HDAC9: variants seen among roughly 807,000 people sequenced by gnomAD.
HDAC9 encodes the protein MEF-2 interacting transcription repressor (MITR) protein.
A neutral mutation model predicts 139.4 loss-of-function variants in HDAC9; 41 were observed. The observed-to-expected ratio is 0.29, with a 90% CI of 0.23 to 0.38. The LOEUF is 0.38. Among genes scored for constraint, HDAC9 ranks in the 10% least tolerant of loss-of-function variants. The pLI, the probability that HDAC9 is intolerant of heterozygous loss-of-function variation, is 1.00. For synonymous variants in HDAC9, 517 were observed against 476.2 expected (o/e 1.09, Z -1.12); for missense variants, 1,147 against 1,297.0 (o/e 0.88, Z 1.78).
chr7:18,993,318 T>G (rs1044998790), intron 25 of HDAC9, among the ~76,000 whole-genome samples: 1 of 152,192 alleles, frequency 6.6e-6, no homozygotes, highest in African/African-American at 2.4e-5. Context: ...CTCATAACCG[T>G]GAGGGCAAGT....
chr7:18,945,311 A>G (rs373508684), intron 23 of HDAC9, among the ~76,000 whole-genome samples: 67 of 152,338 alleles, frequency 4.4e-4, no homozygotes, highest in African/African-American at 1.5e-3. Context: ...TTTATTGATC[A>G]TTTGTACATA....
chr7:18,910,444 T>C (rs1011347238), intron 22 of HDAC9, among the ~76,000 whole-genome samples: 1 of 151,982 alleles, frequency 6.6e-6, no homozygotes, highest in Non-Finnish European at 1.5e-5. Context: ...AAGGAATTCT[T>C]TGATGGATTC....
At chr7:18,983,130 C>G (rs755358964) in intron 25 of HDAC9, among the ~76,000 whole-genome samples, 52 of 152,210 alleles carry the variant, frequency 3.4e-4, no homozygotes, top group Non-Finnish European at 4.4e-4. Context: ...CAGCCCCTAT[C>G]AACCATCATT....
At chr7:18,808,014 G>T (rs1272408144) in intron 17 of HDAC9, 1 of 152,156 alleles carries the variant, frequency 6.6e-6, no homozygotes, top group Non-Finnish European at 1.5e-5. Flanking sequence ...TATTCTGTAA[G>T]ATCAGTAACA....
chr7:18,814,949 TA>T (rs1185158366), intron 17 of HDAC9, among the ~76,000 whole-genome samples: 1 of 152,192 alleles, frequency 6.6e-6, no homozygotes, highest in African/African-American at 2.4e-5. Flanking sequence ...TGAAAATGTT[TA>T]TAGGTAACGA....
chr7:18,583,098 G>T (rs866279916), intron 2 of HDAC9, among the ~76,000 whole-genome samples: 1 of 152,052 alleles, frequency 6.6e-6, no homozygotes, highest in Non-Finnish European at 1.5e-5. Context: ...AGTAGAAATT[G>T]TGTGCCATTT....
At position 18,740,592 on chromosome 7, in the gene HDAC9, G is replaced by A. The variant is rs563044939; in HGVS notation, c.1910-8413G>A. Among the ~76,000 whole-genome samples the A allele has an allele frequency of 1.2e-4, 18 of 152,200 alleles. 1 individual carries two copies. In the South Asian group the frequency reaches 2.9e-3, roughly 25 times the overall value. ...TATTCCCAGAGACACTGGGAATTTA[G>A]ACCAATTTATAAACCCACAGTCCAA... is the stretch of plus-strand genomic sequence containing the variant. On this transcript the variant is annotated intron_variant, in intron 13 of 25. Coordinates refer to ENST00000686413, the MANE Select transcript of HDAC9 (RefSeq NM_178425.4).
At position 18,172,086 on chromosome 7, in the gene HDAC9, G is replaced by T. The variant is rs572122008; in HGVS notation, c.25+9737G>T. 5.3e-5 allele frequency among the ~76,000 whole-genome samples: 8 copies of T among 152,170 alleles called. No individual in the cohort carries two copies. In the South Asian group the frequency reaches 1.7e-3, roughly 32 times the overall value. On this transcript the variant is annotated intron_variant, in intron 2 of 12. Coordinates refer to the HDAC9 transcript ENST00000417496. The stretch of plus-strand genomic sequence containing the variant: ...ATTCGTCTGGTTCTGGACTTTTTTT[G>T]GTTGGTAGGCTGTTAATTATTGCTT...
intron 1 of HDAC9, among the ~76,000 whole-genome samples, chr7:18,159,105 A>C (rs1340304203): frequency 6.6e-6 from 1 of 152,182 alleles, no homozygotes; most frequent in East Asian, 1.9e-4. Flanking sequence ...TTTTTGCTGC[A>C]CTTGTGTTTA....
At chr7:18,650,520 G>C (rs999794776) in intron 11 of HDAC9, among the ~76,000 whole-genome samples, 3 of 152,116 alleles carry the variant, frequency 2.0e-5, no homozygotes, top group African/African-American at 7.2e-5. Context: ...CAGATGGTGT[G>C]CTAATATCAG....
intron 14 of HDAC9, among the ~76,000 whole-genome samples, chr7:18,749,952 T>G (rs1213953140): frequency 2.0e-5 from 3 of 152,222 alleles, no homozygotes; most frequent in Admixed American, 1.3e-4. Context: ...GGGTCTCTGT[T>G]AGGTTCTAAA....
intron 17 of HDAC9, among the ~76,000 whole-genome samples, chr7:18,807,367 T>G (rs928734405): frequency 6.6e-6 from 1 of 152,176 alleles, no homozygotes; most frequent in Non-Finnish European, 1.5e-5. Flanking sequence ...GGATTGTCAT[T>G]TCATTCATCT....
chr7:18,967,895 G>A (rs1041994664), intron 24 of HDAC9, among the ~76,000 whole-genome samples: 10 of 152,188 alleles, frequency 6.6e-5, no homozygotes, highest in African/African-American at 2.4e-4. Flanking sequence ...GGGCACAGTG[G>A]CTCATGCCTG....
At chr7:18,720,150 T>C (rs566985513) in intron 12 of HDAC9, among the ~76,000 whole-genome samples, 21 of 152,270 alleles carry the variant, frequency 1.4e-4, no homozygotes, top group African/African-American at 5.1e-4. Flanking sequence ...GTAGAAATGG[T>C]AGTATCTATC....
chr7:18,533,697 T>C (rs1222956048), intron 2 of HDAC9, among the ~76,000 whole-genome samples: 2 of 152,200 alleles, frequency 1.3e-5, no homozygotes, highest in South Asian at 2.1e-4. Flanking sequence ...TGGAGGCTTA[T>C]GTTTTCAGTA....
At chr7:18,621,585 A>C (rs893838525) in intron 6 of HDAC9, among the ~76,000 whole-genome samples, 6 of 152,290 alleles carry the variant, frequency 3.9e-5, no homozygotes, top group African/African-American at 1.4e-4. Flanking sequence ...ATTACCATAC[A>C]TGTGCCTAGA....
chr7:18,703,930 C>G (rs902280051), intron 12 of HDAC9, among the ~76,000 whole-genome samples: 3 of 152,268 alleles, frequency 2.0e-5, no homozygotes, highest in East Asian at 1.9e-4. Flanking sequence ...TTTGCATACT[C>G]CCACAAGCAG....
chr7:18,441,166 T>C (rs935538710), intron 1 of HDAC9, among the ~76,000 whole-genome samples: 3 of 152,232 alleles, frequency 2.0e-5, no homozygotes, highest in Non-Finnish European at 4.4e-5. Flanking sequence ...AACATTTGTA[T>C]ATCAAAGAAC....
intron 25 of HDAC9, among the ~76,000 whole-genome samples, chr7:18,994,606 T>C (rs938278800): frequency 2.0e-5 from 3 of 152,060 alleles, no homozygotes; most frequent in African/African-American, 7.3e-5. Flanking sequence ...ATGATTATCA[T>C]TCTTTATTTT....
Sources: allele counts gnomAD v4.1 joint callset (sites outside exome capture counted in the v4.1 genomes callset), GRCh38; gene constraint gnomAD v4.1.1; transcripts MANE v1.5; gene names NCBI Gene and HGNC (gene_info 2026-07-23, HGNC 2026-07-21).